Variants in CDS2 observed in about 807,000 individuals in gnomAD.
The protein encoded by CDS2 is CDP-diacylglycerol synthase 2, also known as phosphatidate cytidylyltransferase 2.
A neutral mutation model predicts 59.0 loss-of-function variants in CDS2; 47 were observed. The ratio of observed to expected loss-of-function variants is 0.80; its 90% confidence interval spans 0.63 to 1.02. The LOEUF (loss-of-function observed/expected upper bound fraction) is 1.02, where lower values mean the gene tolerates loss of function less well. Ranked by LOEUF, CDS2 falls within the 50% of genes least tolerant of loss-of-function variation. The pLI, the probability that CDS2 is intolerant of heterozygous loss-of-function variation, is 0.00. For missense variants in CDS2, 356 were observed against 558.9 expected, an observed-to-expected ratio of 0.64 and a Z score of 3.66; for synonymous variants, 207 against 206.4, an observed-to-expected ratio of 1.00 and a Z score of -0.02.
chr20:5,189,894 C>T (rs2091099944), intron 12 of CDS2, 56 bp downstream of exon 12: 1 of 1,467,476 alleles, frequency 6.8e-7, no homozygotes, highest in Admixed American at 1.8e-5. Context: ...CGGTGCAATT[C>T]TAGAATTTTA....
chr20:5,173,787 C>G, intron 2 of CDS2, 128 bp downstream of exon 2: 1 of 1,064,156 alleles, frequency 9.4e-7, no homozygotes, highest in Non-Finnish European at 1.4e-6. Context: ...CCTCCCATGC[C>G]ACTGCTCCAG....
At chr20:5,179,462 G>T (rs2091017887) in intron 5 of CDS2, among the ~76,000 whole-genome samples, 1 of 152,166 alleles carries the variant, frequency 6.6e-6, no homozygotes, top group Non-Finnish European at 1.5e-5. Flanking sequence ...GTAGGGGCAG[G>T]ACTGTGGCCT....
intron 1 of CDS2, among the ~76,000 whole-genome samples, chr20:5,137,329 C>T (rs769786358): frequency 2.0e-4 from 31 of 151,254 alleles, no homozygotes; most frequent in Non-Finnish European, 3.8e-4. Context: ...CTGCAGCCTC[C>T]GCCTCCCAGG....
chr20:5,138,199 T>C (rs1024046087), intron 1 of CDS2, among the ~76,000 whole-genome samples: 11 of 151,694 alleles, frequency 7.3e-5, no homozygotes, highest in African/African-American at 1.2e-4. Flanking sequence ...TGATCCTCTT[T>C]CCTCAGCCTC....
intron 1 of CDS2, among the ~76,000 whole-genome samples, chr20:5,147,437 A>G (rs2090752625): frequency 6.6e-6 from 1 of 152,204 alleles, no homozygotes; most frequent in Non-Finnish European, 1.5e-5. Flanking sequence ...CTGCCTGCAC[A>G]TCAGTAGTGG....
At chr20:5,130,855 G>C (rs2090600300) in intron 1 of CDS2, among the ~76,000 whole-genome samples, 1 of 152,058 alleles carries the variant, frequency 6.6e-6, no homozygotes, top group East Asian at 1.9e-4. Context: ...ACTTTGGGAG[G>C]ACGAGGCGGG....
At chr20:5,161,672 A>G (rs1030383644) in intron 1 of CDS2, among the ~76,000 whole-genome samples, 2 of 152,202 alleles carry the variant, frequency 1.3e-5, no homozygotes, top group Non-Finnish European at 2.9e-5. Flanking sequence ...ATTTACCGTA[A>G]TTTACCTAAT....
chr20:5,177,953 A>AT (rs2091006638), intron 4 of CDS2, among the ~76,000 whole-genome samples: 1 of 152,228 alleles, frequency 6.6e-6, no homozygotes, highest in South Asian at 2.1e-4. Context: ...TTTCCATGTA[A>AT]CAGAAAAGAA....
At chr20:5,163,470 A>G (rs1054725011) in intron 1 of CDS2, among the ~76,000 whole-genome samples, 5 of 147,960 alleles carry the variant, frequency 3.4e-5, no homozygotes, top group Middle Eastern at 3.8e-3. Flanking sequence ...CCTGTTGGTC[A>G]GGCTGGTCTC....
chr20:5,132,102 ATT>A (rs1231877225), intron 1 of CDS2, among the ~76,000 whole-genome samples: 1 of 146,222 alleles, frequency 6.8e-6, no homozygotes, highest in Non-Finnish European at 1.5e-5. Context: ...TTCAATTTTA[ATT>A]TTTTTTTTTT....
chr20:5,135,635 C>T (rs538729551), intron 1 of CDS2, among the ~76,000 whole-genome samples: 2 of 152,196 alleles, frequency 1.3e-5, no homozygotes, highest in Non-Finnish European at 2.9e-5. Flanking sequence ...CTCCCCACCC[C>T]CACGTATGGT....
intron 8 of CDS2, among the ~76,000 whole-genome samples, chr20:5,185,240 G>A (rs1278004928): frequency 6.6e-6 from 1 of 152,176 alleles, no homozygotes; most frequent in Admixed American, 6.5e-5. Flanking sequence ...GGGGAACTTA[G>A]TGAGGCCTTG....
Position 5,127,036 on chromosome 20 carries a change from G to T in CDS2, c.-57G>T, listed in dbSNP as rs1004748826. 4 of 1,462,612 alleles carry T rather than the reference G, an allele frequency of 2.7e-6. No individual in the cohort carries two copies. Among genetic ancestry groups the T allele is most frequent in the Non-Finnish European group, 2.7e-6 (3 of 1,100,882 alleles). The allele number at this position is 1,462,612 out of a possible 1,614,324, so 90.6% of individuals were successfully genotyped here. On this transcript the variant is annotated 5_prime_UTR_variant, in exon 1 of 13. Coordinates refer to ENST00000460006, the MANE Select transcript of CDS2 (RefSeq NM_003818.4). ...AGTCCGCGCGTGCCCGCGCCGAGCT[G>T]CCTGCTCCGGCGGCTTCGCTGCTAG...
chr20:5,143,167 A>G (rs528504535), intron 1 of CDS2, among the ~76,000 whole-genome samples: 6 of 152,264 alleles, frequency 3.9e-5, no homozygotes, highest in Non-Finnish European at 7.4e-5. Flanking sequence ...TCAGATGATC[A>G]ATAAACATGA....
In CDS2 at chr20:5,140,045, G is replaced by C. The variant is rs1185719452; in HGVS notation, c.57+12896G>C. ...TTGAACTCCTGACGTCAGGCGATCT[G>C]CCCACCTTGGGTTCCCAACGTGCTG... On this transcript the variant is annotated intron_variant, in intron 1 of 12. Transcript: ENST00000460006. Among the ~76,000 whole-genome samples, 3 of 152,102 alleles carry C rather than the reference G, an allele frequency of 2.0e-5. No homozygotes were observed. In the East Asian group the frequency reaches 5.8e-4, roughly 29 times the overall value.
At chr20:5,152,914 C>T (rs1164744462) in intron 1 of CDS2, among the ~76,000 whole-genome samples, 2 of 152,110 alleles carry the variant, frequency 1.3e-5, no homozygotes, top group Non-Finnish European at 2.9e-5. Flanking sequence ...AAAAGCATGC[C>T]ATTTAGTATG....
At chr20:5,178,739 C>G in intron 4 of CDS2, 78 bp from the exon 5 acceptor site, 5 of 1,510,364 alleles carry the variant, frequency 3.3e-6, no homozygotes, top group East Asian at 2.3e-5. Context: ...GCCCTCTGTC[C>G]CTTCCTCTGG....
intron 1 of CDS2, among the ~76,000 whole-genome samples, chr20:5,127,879 T>C (rs1388068179): frequency 6.6e-6 from 1 of 151,606 alleles, no homozygotes; most frequent in Non-Finnish European, 1.5e-5. Flanking sequence ...AAGGTAGGGA[T>C]TGGTTTTATT....
chr20:5,161,823 C>G (rs1436579611), intron 1 of CDS2, among the ~76,000 whole-genome samples: 1 of 152,090 alleles, frequency 6.6e-6, no homozygotes, highest in Non-Finnish European at 1.5e-5. Context: ...TTTTTTGTCT[C>G]CTTACTGTTT....
Sources: allele counts gnomAD v4.1 joint callset (sites outside exome capture counted in the v4.1 genomes callset), GRCh38; gene constraint gnomAD v4.1.1; transcripts MANE v1.5; gene names NCBI Gene and HGNC (gene_info 2026-07-23, HGNC 2026-07-21).